The following ATRNL1 variants were observed in gnomAD, a reference collection of about 807,000 sequenced individuals.
ATRNL1 encodes attractin like 1, also known as attractin-like protein 1.
A neutral mutation model predicts 182.7 loss-of-function variants in ATRNL1; 95 were observed. That is an observed-to-expected ratio of 0.52 (90% confidence interval 0.44 to 0.62). The LOEUF (loss-of-function observed/expected upper bound fraction) is 0.62, where lower values mean the gene tolerates loss of function less well. Ranked by LOEUF, ATRNL1 falls within the 20% of genes least tolerant of loss-of-function variation. The pLI, the probability that ATRNL1 is intolerant of heterozygous loss-of-function variation, is 0.00. For synonymous variants in ATRNL1, 576 were observed against 568.3 expected, an observed-to-expected ratio of 1.01 and a Z score of -0.19; for missense variants, 1,471 against 1,679.5, an observed-to-expected ratio of 0.88 and a Z score of 2.17.
intron 26 of ATRNL1, among the ~76,000 whole-genome samples, chr10:115,552,680 G>A (rs542479847): frequency 4.6e-5 from 7 of 151,334 alleles, no homozygotes; most frequent in Admixed American, 2.6e-4. Context: ...AGTTAGTCAT[G>A]TTATGACTTT....
At chr10:115,923,697 T>C (rs981556217) in intron 28 of ATRNL1, among the ~76,000 whole-genome samples, 2 of 152,184 alleles carry the variant, frequency 1.3e-5, no homozygotes, top group East Asian at 1.9e-4. Flanking sequence ...CTGTTGTAAA[T>C]AGTGCCACAA....
chr10:115,819,663 C>G (rs1950247140), intron 27 of ATRNL1, among the ~76,000 whole-genome samples: 1 of 152,036 alleles, frequency 6.6e-6, no homozygotes, highest in Non-Finnish European at 1.5e-5. Flanking sequence ...ATCTCTGTCC[C>G]TCTCAGTAGC....
chr10:115,255,085 T>G (rs2133853238), intron 10 of ATRNL1, among the ~76,000 whole-genome samples: 1 of 152,320 alleles, frequency 6.6e-6, no homozygotes, highest in Non-Finnish European at 1.5e-5. Flanking sequence ...TCCAGCTTTG[T>G]TCTTTTGGCT....
chr10:115,279,507 A>C (rs1483277695), intron 13 of ATRNL1, among the ~76,000 whole-genome samples: 1 of 152,210 alleles, frequency 6.6e-6, no homozygotes, highest in Non-Finnish European at 1.5e-5. Flanking sequence ...TTCCCTCTTC[A>C]GTCAACAGAT....
chr10:115,383,879 TTTTG>T (rs1205375580), intron 19 of ATRNL1, among the ~76,000 whole-genome samples: 4 of 152,068 alleles, frequency 2.6e-5, no homozygotes, highest in East Asian at 1.9e-4. Context: ...AAAAATGCAG[TTTTG>T]TTTATTTTAT....
chr10:115,240,752 C>G (rs782132421), intron 9 of ATRNL1, among the ~76,000 whole-genome samples: 13 of 151,852 alleles, frequency 8.6e-5, no homozygotes, highest in Middle Eastern at 3.2e-3. Context: ...TACTACATAT[C>G]CATTCATTCA....
chr10:115,177,006 G>GT (rs1279014201), intron 8 of ATRNL1, among the ~76,000 whole-genome samples: 1 of 152,018 alleles, frequency 6.6e-6, no homozygotes, highest in Non-Finnish European at 1.5e-5. Context: ...TGAAGTGGGT[G>GT]TAGATAAAAA....
intron 19 of ATRNL1, among the ~76,000 whole-genome samples, chr10:115,352,741 T>C (rs1856317593): frequency 6.6e-6 from 1 of 151,946 alleles, no homozygotes; most frequent in Non-Finnish European, 1.5e-5. Context: ...GTACTAAAAA[T>C]ACAAAAAAAT....
chr10:115,631,066 G>C lies in ATRNL1; in HGVS notation c.3795+81530G>C, dbSNP rs1369217760. Among the ~76,000 whole-genome samples, 17 of 151,798 alleles carry C rather than the reference G, an allele frequency of 1.1e-4. 1 individual carries two copies. The highest frequency in any genetic ancestry group is 1.1e-3 in the Admixed American group (16 of 15,198). ...ACTATGCTTACCAGGGGTGGGGAGG[G>C]GGGTGTGTACGGGAAATGGGGAGAT... On this transcript the variant is annotated intron_variant, in intron 26 of 28. Transcript: ENST00000355044.
intron 27 of ATRNL1, among the ~76,000 whole-genome samples, chr10:115,816,517 C>T (rs553750367): frequency 6.6e-6 from 1 of 152,046 alleles, no homozygotes; most frequent in East Asian, 1.9e-4. Flanking sequence ...TGTCATTAGC[C>T]AATGTCTTAT....
chr10:115,597,692 G>A (rs549144700), intron 26 of ATRNL1: 40 of 447,348 alleles, frequency 8.9e-5, no homozygotes, highest in African/African-American at 5.7e-4. Context: ...CATTACAGGC[G>A]CCCACTACCA....
intron 5 of ATRNL1, among the ~76,000 whole-genome samples, chr10:115,143,361 C>A (rs142774527): frequency 3.3e-5 from 5 of 151,582 alleles, no homozygotes; most frequent in Non-Finnish European, 7.4e-5. Context: ...GCTAATTCTA[C>A]GTTTGTCATT....
At chr10:115,124,350 G>A (rs781927733) in intron 3 of ATRNL1, among the ~76,000 whole-genome samples, 53 of 152,150 alleles carry the variant, frequency 3.5e-4, no homozygotes, top group Non-Finnish European at 6.0e-4. Context: ...TATCATGAAG[G>A]ATAGAAATCA....
rs569594993 is a variant in ATRNL1, at chr10:115,531,768, C to T, written c.3716+12444C>T. On this transcript the variant is annotated intron_variant, in intron 25 of 28. Transcript: ENST00000355044. ...AGGGTTTTTATGGTTTTAGGTCTAA[C>T]GTTTAAGTCTTTAATCCATCTTGAA... 5.3e-3 allele frequency among the ~76,000 whole-genome samples: 783 copies of T among 148,694 alleles called. 6 individuals carry two copies. Among genetic ancestry groups the T allele is most frequent in the African/African-American group, 0.017 (705 of 41,184 alleles).
At chr10:115,571,985 A>G (rs1854421187) in intron 26 of ATRNL1, among the ~76,000 whole-genome samples, 1 of 152,052 alleles carries the variant, frequency 6.6e-6, no homozygotes, top group Non-Finnish European at 1.5e-5. Context: ...CATGTATTGT[A>G]TGATGTTTAT....
chr10:115,097,608 A>C (rs1046274938), intron 1 of ATRNL1, among the ~76,000 whole-genome samples: 2 of 152,048 alleles, frequency 1.3e-5, no homozygotes, highest in South Asian at 4.1e-4. Flanking sequence ...AAAGTGTGTA[A>C]ACTCTTCCCC....
intron 19 of ATRNL1, among the ~76,000 whole-genome samples, chr10:115,350,266 G>A (rs1554940833): frequency 6.9e-6 from 1 of 145,938 alleles, no homozygotes. Flanking sequence ...AACCCGGGAG[G>A]CGGAGGTTGC....
chr10:115,753,953 T>G (rs181313632), intron 27 of ATRNL1, among the ~76,000 whole-genome samples: 1 of 152,354 alleles, frequency 6.6e-6, no homozygotes, highest in East Asian at 1.9e-4. Flanking sequence ...TTCATATGTT[T>G]GTTGGCTGCA....
chr10:115,363,824 G>A (rs1856878229), intron 19 of ATRNL1, among the ~76,000 whole-genome samples: 1 of 146,004 alleles, frequency 6.8e-6, no homozygotes, highest in South Asian at 2.2e-4. Context: ...AGATCAGATA[G>A]TTGTAGATAT....
Sources: allele counts gnomAD v4.1 joint callset (sites outside exome capture counted in the v4.1 genomes callset), GRCh38; gene constraint gnomAD v4.1.1; transcripts MANE v1.5; gene names NCBI Gene and HGNC (gene_info 2026-07-23, HGNC 2026-07-21).